The following CACNB2 variants were observed in gnomAD, a reference collection of about 807,000 sequenced individuals.
CACNB2 encodes the protein calcium voltage-gated channel auxiliary subunit beta 2, also known as voltage-dependent L-type calcium channel subunit beta-2.
Under a neutral mutation model 73.3 loss-of-function variants are expected in CACNB2, and 42 were observed. That is an observed-to-expected ratio of 0.57 (90% CI 0.45 to 0.74). The LOEUF is 0.74. Among genes scored for constraint, CACNB2 ranks in the 30% least tolerant of loss-of-function variants. The pLI, the probability that CACNB2 is intolerant of heterozygous loss-of-function variation, is 0.00. For missense variants in CACNB2, 940 were observed against 853.0 expected (o/e 1.10, Z -1.27); for synonymous variants, 348 against 310.3 (o/e 1.12, Z -1.28).
At chr10:18,504,748 G>A (rs1310284558) in intron 5 of CACNB2, among the ~76,000 whole-genome samples, 10 of 152,038 alleles carry the variant, frequency 6.6e-5, no homozygotes, top group East Asian at 1.9e-4. Context: ...CGGTTCAAGC[G>A]ATTCTCCTGC....
chr10:18,351,665 C>T lies in CACNB2; in HGVS notation c.214-50259C>T, dbSNP rs1648049664. Among the ~76,000 whole-genome samples, 3 of 152,218 alleles carry T rather than the reference C, an allele frequency of 2.0e-5. No homozygotes were observed. The South Asian group carries it at 6.2e-4, about 31-fold the overall frequency. On this transcript the variant is annotated intron_variant, in intron 2 of 13. Coordinates refer to ENST00000324631, the MANE Select transcript of CACNB2 (RefSeq NM_201596.3). ...CCAGTGTATTTGCATAATTTCCTCT[C>T]TGCCCTTAATCTGGAACAAAAGGAA...
intron 2 of CACNB2, among the ~76,000 whole-genome samples, chr10:18,286,352 T>TAA (rs1396677925): frequency 4.0e-5 from 6 of 151,228 alleles, no homozygotes; most frequent in Non-Finnish European, 8.9e-5. Context: ...CCGTCTCTAC[T>TAA]AAAAAAATAC....
intron 2 of CACNB2, among the ~76,000 whole-genome samples, chr10:18,176,973 C>T (rs923965777): frequency 1.3e-5 from 2 of 151,844 alleles, no homozygotes; most frequent in Non-Finnish European, 1.5e-5. Flanking sequence ...AGTGAGAAAG[C>T]GTATAGAGGT....
chr10:18,235,245 G>A (rs1029299158), intron 2 of CACNB2, among the ~76,000 whole-genome samples: 1 of 151,972 alleles, frequency 6.6e-6, no homozygotes, highest in Admixed American at 6.6e-5. Context: ...TGGAGACTGG[G>A]CATTCAGAAC....
intron 2 of CACNB2, among the ~76,000 whole-genome samples, chr10:18,248,245 A>C (rs572517452): frequency 5.1e-4 from 77 of 152,352 alleles, no homozygotes; most frequent in African/African-American, 1.8e-3. Context: ...GAGGAAGTAG[A>C]GAACATACTG....
intron 9 of CACNB2, among the ~76,000 whole-genome samples, chr10:18,524,845 T>G (rs1484162350): frequency 7.0e-6 from 1 of 143,778 alleles, no homozygotes; most frequent in Non-Finnish European, 1.5e-5. Flanking sequence ...GGCAACATAA[T>G]GAGGCCCTGT....
chr10:18,489,898 G>C (rs965470519), intron 3 of CACNB2, among the ~76,000 whole-genome samples: 5 of 152,056 alleles, frequency 3.3e-5, no homozygotes, highest in Admixed American at 2.6e-4. Context: ...GGTTTTTTGA[G>C]ACAGGGTCTC....
At chr10:18,434,918 A>G (rs1564544280) in intron 3 of CACNB2, among the ~76,000 whole-genome samples, 1 of 152,164 alleles carries the variant, frequency 6.6e-6, no homozygotes, top group Non-Finnish European at 1.5e-5. Flanking sequence ...TTAGAAGGCA[A>G]ATGATGTCTT....
intron 2 of CACNB2, among the ~76,000 whole-genome samples, chr10:18,209,120 A>G (rs1168179648): frequency 6.6e-6 from 1 of 152,212 alleles, no homozygotes; most frequent in Non-Finnish European, 1.5e-5. Flanking sequence ...GCTTGACTGC[A>G]TGTGAAACAT....
chr10:18,494,017 A>C (rs1325016846), intron 3 of CACNB2, among the ~76,000 whole-genome samples: 1 of 152,192 alleles, frequency 6.6e-6, no homozygotes, highest in African/African-American at 2.4e-5. Flanking sequence ...CATATAAACC[A>C]CATCTAATGG....
At chr10:18,529,777 G>A (rs796995573) in intron 10 of CACNB2, among the ~76,000 whole-genome samples, 7 of 152,356 alleles carry the variant, frequency 4.6e-5, no homozygotes, top group African/African-American at 1.7e-4. Flanking sequence ...ATGTGATCAT[G>A]TGTTTCGCTT....
intron 2 of CACNB2, among the ~76,000 whole-genome samples, chr10:18,292,432 C>T (rs4443967): frequency 0.31 from 47,184 of 151,974 alleles, 7,771 homozygotes; most frequent in Middle Eastern, 0.4. Flanking sequence ...CCGAGGCGGG[C>T]AGATCACGAG....
At chr10:18,265,510 T>A (rs1293420315) in intron 2 of CACNB2, among the ~76,000 whole-genome samples, 1 of 152,136 alleles carries the variant, frequency 6.6e-6, no homozygotes, top group Non-Finnish European at 1.5e-5. Context: ...TTTTCAGGCA[T>A]TTTCCTTCAG....
intron 2 of CACNB2, among the ~76,000 whole-genome samples, chr10:18,294,191 C>T (rs2039183281): frequency 6.6e-6 from 1 of 152,218 alleles, no homozygotes; most frequent in Non-Finnish European, 1.5e-5. Flanking sequence ...AACATGAACA[C>T]ATCTTGTGGA....
chr10:18,175,319 G>A (rs1006617834), intron 2 of CACNB2, among the ~76,000 whole-genome samples: 1 of 152,134 alleles, frequency 6.6e-6, no homozygotes, highest in African/African-American at 2.4e-5. Context: ...CCAGAAAATG[G>A]AAAAGAAAGA....
chr10:18,490,844 C>T (rs982904562), intron 3 of CACNB2, among the ~76,000 whole-genome samples: 64 of 22,498 alleles, frequency 2.8e-3, no homozygotes, highest in African/African-American at 8.9e-3. Context: ...AAACCCGGGC[C>T]GGTGGGGGAG....
chr10:18,312,849 G>A (rs1051223438), intron 2 of CACNB2, among the ~76,000 whole-genome samples: 1 of 152,116 alleles, frequency 6.6e-6, no homozygotes, highest in Admixed American at 6.5e-5. Flanking sequence ...GTTTTAGTGC[G>A]TTCTCCTGAC....
At chr10:18,253,277 TG>T (rs1358734976) in intron 2 of CACNB2, among the ~76,000 whole-genome samples, 1 of 152,208 alleles carries the variant, frequency 6.6e-6, no homozygotes, top group Non-Finnish European at 1.5e-5. Context: ...TTAAATGAAT[TG>T]CATAGTAAGG....
intron 2 of CACNB2, among the ~76,000 whole-genome samples, chr10:18,306,394 G>A (rs764112017): frequency 1.3e-5 from 2 of 152,058 alleles, no homozygotes; most frequent in African/African-American, 2.4e-5. Context: ...AGAGGGTAGC[G>A]GAACACATAG....
Sources: allele counts gnomAD v4.1 joint callset (sites outside exome capture counted in the v4.1 genomes callset), GRCh38; gene constraint gnomAD v4.1.1; transcripts MANE v1.5; gene names NCBI Gene and HGNC (gene_info 2026-07-23, HGNC 2026-07-21).